SEC23IP: variants seen among roughly 807,000 people sequenced by gnomAD.
SEC23IP encodes SEC23-interacting protein.
Under a neutral mutation model 113.4 loss-of-function variants are expected in SEC23IP, and 70 were observed. The observed-to-expected ratio is 0.62, with a 90% confidence interval of 0.51 to 0.75. The LOEUF is 0.75. SEC23IP is among the 30% of genes least tolerant of loss of function. The probability of loss-of-function intolerance (pLI) is 0.00; values close to 1 mark genes in which losing one functional copy is unlikely to be tolerated. For synonymous variants in SEC23IP, 398 were observed against 421.0 expected (o/e 0.95, Z 0.67); for missense variants, 1,160 against 1,204.9 (o/e 0.96, Z 0.55).
chr10:119,934,610 A>G (rs1855714970), intron 18 of SEC23IP, among the ~76,000 whole-genome samples: 1 of 152,250 alleles, frequency 6.6e-6, no homozygotes, highest in African/African-American at 2.4e-5. Flanking sequence ...ACAAAGTTAG[A>G]AATTTTAAAG....
At chr10:119,914,413 G>A (rs1237578657) in intron 6 of SEC23IP, 1 of 298,928 alleles carries the variant, frequency 3.3e-6, no homozygotes, top group Non-Finnish European at 6.3e-6. Context: ...CTGGGGCTTA[G>A]TGTCCTGGGG....
intron 6 of SEC23IP, among the ~76,000 whole-genome samples, chr10:119,914,187 G>T (rs1381894351): frequency 6.6e-6 from 1 of 152,146 alleles, no homozygotes; most frequent in African/African-American, 2.4e-5. Flanking sequence ...AAAACAACAG[G>T]TAGGATGTGG....
At chr10:119,939,630 G>A (rs184883823) in intron 18 of SEC23IP, among the ~76,000 whole-genome samples, 76 of 152,224 alleles carry the variant, frequency 5.0e-4, no homozygotes, top group African/African-American at 1.8e-3. Context: ...AGCTGAGATC[G>A]TGCCATTGCA....
At chr10:119,924,563 C>T (rs764600367) in intron 12 of SEC23IP, among the ~76,000 whole-genome samples, 10 of 151,700 alleles carry the variant, frequency 6.6e-5, no homozygotes, top group Non-Finnish European at 1.5e-4. Context: ...GGATTACAGG[C>T]GCGCGCCACC....
intron 12 of SEC23IP, among the ~76,000 whole-genome samples, chr10:119,924,700 A>G (rs1300739306): frequency 1.3e-5 from 2 of 152,114 alleles, no homozygotes; most frequent in Non-Finnish European, 2.9e-5. Flanking sequence ...AGCGTCAGCC[A>G]CTGGGCCCAG....
chr10:119,908,150 C>G (rs894227002), intron 4 of SEC23IP, among the ~76,000 whole-genome samples: 1 of 152,004 alleles, frequency 6.6e-6, no homozygotes, highest in Admixed American at 6.6e-5. Flanking sequence ...ATCCAGTGCC[C>G]TGCAGAAACC....
At chr10:119,915,911 G>T (rs1182506697) in intron 8 of SEC23IP, 22 bp downstream of exon 8, 2 of 1,444,538 alleles carry the variant, frequency 1.4e-6, no homozygotes, top group Non-Finnish European at 1.8e-6. Context: ...TTGATAACTT[G>T]TTTTTCAGAT....
At chr10:119,894,503 T>C (rs375273108) in intron 1 of SEC23IP, among the ~76,000 whole-genome samples, 4 of 152,250 alleles carry the variant, frequency 2.6e-5, no homozygotes, top group South Asian at 4.1e-4. Flanking sequence ...AAACTTACTT[T>C]TATTCACGAT....
chr10:119,922,451 T>G (rs1222343903), intron 12 of SEC23IP, among the ~76,000 whole-genome samples: 1 of 152,228 alleles, frequency 6.6e-6, no homozygotes, highest in Non-Finnish European at 1.5e-5. Context: ...GCTGACCTGC[T>G]TATTCTATCA....
intron 8 of SEC23IP, among the ~76,000 whole-genome samples, chr10:119,917,058 G>T (rs1855074893): frequency 6.6e-6 from 1 of 152,042 alleles, no homozygotes; most frequent in Non-Finnish European, 1.5e-5. Context: ...CTGTAGAGAT[G>T]GGGTCTCACT....
chr10:119,894,892 CTGTGTGTG>C (rs3065498), intron 1 of SEC23IP, among the ~76,000 whole-genome samples: 1,458 of 143,582 alleles, frequency 0.01, 15 homozygotes, highest in East Asian at 0.035. Context: ...TGGAGACAGT[CTGTGTGTG>C]TGTGTGTGTG....
chr10:119,938,511 CT>C, intron 18 of SEC23IP, among the ~76,000 whole-genome samples: 1 of 152,234 alleles, frequency 6.6e-6, no homozygotes, highest in East Asian at 1.9e-4. Context: ...TTCTGGGCAT[CT>C]TTTTATGGTA....
intron 12 of SEC23IP, among the ~76,000 whole-genome samples, chr10:119,923,574 A>G (rs1589842382): frequency 1.4e-5 from 2 of 144,446 alleles, no homozygotes; most frequent in Admixed American, 7.0e-5. Flanking sequence ...TTTGAAAGGG[A>G]GTCTTGCTTT....
chr10:119,914,135 G>T (rs188735160), intron 6 of SEC23IP, among the ~76,000 whole-genome samples: 1 of 152,138 alleles, frequency 6.6e-6, no homozygotes, highest in African/African-American at 2.4e-5. Context: ...ACTCTATCCC[G>T]GGCGACAAGA....
chr10:119,920,703 G>A (rs1007772952), intron 11 of SEC23IP, among the ~76,000 whole-genome samples, 186 bp from the exon 12 acceptor site: 19 of 152,174 alleles, frequency 1.2e-4, no homozygotes, highest in Admixed American at 6.5e-5. Flanking sequence ...AATGATTTAG[G>A]TGTGGAAGCC....
intron 12 of SEC23IP, 116 bp downstream of exon 12, chr10:119,921,100 G>A: frequency 1.5e-6 from 1 of 670,708 alleles, no homozygotes; most frequent in South Asian, 2.0e-5. Flanking sequence ...TCCCTACCTA[G>A]GGCACAGTAA....
intron 9 of SEC23IP, 82 bp from the exon 10 acceptor site, chr10:119,918,311 T>G (rs1211793028): frequency 7.0e-6 from 6 of 852,030 alleles, no homozygotes; most frequent in Non-Finnish European, 1.1e-5. Context: ...TCTGTATGAC[T>G]TTTGACTATA....
At chr10:119,928,850 G>A (rs796845444) in intron 13 of SEC23IP, among the ~76,000 whole-genome samples, 15 of 152,362 alleles carry the variant, frequency 9.8e-5, no homozygotes, top group African/African-American at 3.6e-4. Flanking sequence ...CTTAACTGGA[G>A]AGGATGATAG....
intron 2 of SEC23IP, among the ~76,000 whole-genome samples, chr10:119,899,513 C>T (rs1220610008): frequency 1.1e-4 from 16 of 152,036 alleles, no homozygotes; most frequent in Non-Finnish European, 1.5e-5. Context: ...GAAAAATCAA[C>T]AGAATTAAAC....
Sources: gnomAD v4.1 joint callset for allele counts (sites outside exome capture counted in the v4.1 genomes callset) on GRCh38, gnomAD v4.1.1 for gene constraint, MANE v1.5 for transcripts, NCBI Gene and HGNC (gene_info 2026-07-23, HGNC 2026-07-21) for gene names.